UNC5D: variants seen among roughly 807,000 people sequenced by gnomAD.
UNC5D encodes the protein unc-5 netrin receptor D, also known as netrin receptor UNC5D.
In UNC5D, 39 loss-of-function variants were observed where a neutral mutation model predicts 105.4. The observed-to-expected ratio is 0.37, with a 90% confidence interval of 0.29 to 0.48. The LOEUF is 0.48. UNC5D is among the 20% of genes least tolerant of loss of function. The pLI, the probability that UNC5D is intolerant of heterozygous loss-of-function variation, is 0.98. For synonymous variants in UNC5D, 452 were observed against 450.4 expected (o/e 1.00, Z -0.04); for missense variants, 991 against 1,202.4 (o/e 0.82, Z 2.60).
At chr8:35,552,612 C>T (rs1816246959) in intron 2 of UNC5D, among the ~76,000 whole-genome samples, 1 of 152,136 alleles carries the variant, frequency 6.6e-6, no homozygotes, top group South Asian at 2.1e-4. Context: ...TTATAGCAAG[C>T]AATGGTAGAC....
chr8:35,532,369 T>C (rs1814453975), intron 1 of UNC5D, among the ~76,000 whole-genome samples: 2 of 145,674 alleles, frequency 1.4e-5, no homozygotes, highest in Admixed American at 1.4e-4. Context: ...ATGTTGAATA[T>C]TGGCCCCCAC....
chr8:35,652,718 T>C (rs547406994), intron 4 of UNC5D, among the ~76,000 whole-genome samples: 1 of 152,072 alleles, frequency 6.6e-6, no homozygotes, highest in East Asian at 1.9e-4. Flanking sequence ...ATATTAGATA[T>C]TAAGTGTTGA....
chr8:35,396,391 C>T (rs1804102639), intron 1 of UNC5D, among the ~76,000 whole-genome samples: 1 of 152,202 alleles, frequency 6.6e-6, no homozygotes, highest in African/African-American at 2.4e-5. Flanking sequence ...TAGAGTCACA[C>T]CGGGCGCACC....
At chr8:35,689,146 T>G (rs1826224216) in intron 7 of UNC5D, among the ~76,000 whole-genome samples, 2 of 152,204 alleles carry the variant, frequency 1.3e-5, no homozygotes, top group Non-Finnish European at 2.9e-5. Context: ...TACTTGCACT[T>G]GGGGAAAATC....
intron 14 of UNC5D, among the ~76,000 whole-genome samples, chr8:35,760,620 G>C (rs1229335064): frequency 1.3e-5 from 2 of 152,144 alleles, no homozygotes; most frequent in Non-Finnish European, 2.9e-5. Context: ...TGTACTTCAA[G>C]TGCTTAAGGA....
chr8:35,462,360 C>T (rs1010036762), intron 1 of UNC5D, among the ~76,000 whole-genome samples: 1 of 152,064 alleles, frequency 6.6e-6, no homozygotes, highest in Admixed American at 6.6e-5. Flanking sequence ...TAACACTCGT[C>T]AATCTCATAA....
At chr8:35,385,816 A>G (rs1344580060) in intron 1 of UNC5D, among the ~76,000 whole-genome samples, 13 of 152,156 alleles carry the variant, frequency 8.5e-5, no homozygotes, top group Non-Finnish European at 4.4e-5. Flanking sequence ...AGATTTATGC[A>G]GAAATTTAGT....
intron 8 of UNC5D, among the ~76,000 whole-genome samples, chr8:35,713,528 A>T (rs1399628801): frequency 6.6e-6 from 1 of 152,224 alleles, no homozygotes; most frequent in East Asian, 1.9e-4. Context: ...AGTTTAGGAT[A>T]AATATGCCCC....
intron 1 of UNC5D, among the ~76,000 whole-genome samples, chr8:35,358,412 C>T (rs929819835): frequency 6.6e-6 from 1 of 152,098 alleles, no homozygotes; most frequent in Non-Finnish European, 1.5e-5. Flanking sequence ...CGAAACACCG[C>T]ATGTTCTCAT....
chr8:35,431,496 A>G (rs1806634344), intron 1 of UNC5D, among the ~76,000 whole-genome samples: 1 of 152,176 alleles, frequency 6.6e-6, no homozygotes, highest in African/African-American at 2.4e-5. Context: ...GTAAACAAAA[A>G]AGAATGTTTC....
At chr8:35,727,868 A>G (rs1453651605) in intron 10 of UNC5D, 5 of 151,978 alleles carry the variant, frequency 3.3e-5, no homozygotes, top group Non-Finnish European at 7.4e-5. Flanking sequence ...GTAAGAATTC[A>G]TAAACTAGAC....
intron 1 of UNC5D, among the ~76,000 whole-genome samples, chr8:35,300,569 A>G (rs1432820785): frequency 6.6e-6 from 1 of 151,772 alleles, no homozygotes; most frequent in Non-Finnish European, 1.5e-5. Flanking sequence ...GCAGTAATAA[A>G]TGAACTTCAC....
At chr8:35,418,402 T>C (rs1236125488) in intron 1 of UNC5D, among the ~76,000 whole-genome samples, 2 of 152,150 alleles carry the variant, frequency 1.3e-5, no homozygotes, top group African/African-American at 4.8e-5. Context: ...ATACTTGACA[T>C]GTAAAGGCAT....
At chr8:35,572,380 A>T (rs1245377625) in intron 3 of UNC5D, among the ~76,000 whole-genome samples, 5 of 151,870 alleles carry the variant, frequency 3.3e-5, no homozygotes. Flanking sequence ...CAGCTGAGGG[A>T]TCCATTGACA....
intron 1 of UNC5D, among the ~76,000 whole-genome samples, chr8:35,257,029 C>A (rs547047850): frequency 5.2e-4 from 78 of 149,026 alleles, no homozygotes; most frequent in African/African-American, 1.8e-3. Flanking sequence ...TGGAGTACTG[C>A]GGCAACGTCT....
intron 1 of UNC5D, among the ~76,000 whole-genome samples, chr8:35,444,190 C>G (rs1012848413): frequency 6.6e-6 from 1 of 151,988 alleles, no homozygotes; most frequent in Non-Finnish European, 1.5e-5. Flanking sequence ...TTCCCATTCT[C>G]TATTCTGCCC....
At chr8:35,341,904 A>G (rs1241510381) in intron 1 of UNC5D, among the ~76,000 whole-genome samples, 4 of 152,102 alleles carry the variant, frequency 2.6e-5, no homozygotes, top group Non-Finnish European at 2.9e-5. Context: ...TATATTTGGG[A>G]AGAATAGGGC....
At chr8:35,385,929 T>C (rs1803366827) in intron 1 of UNC5D, among the ~76,000 whole-genome samples, 1 of 152,226 alleles carries the variant, frequency 6.6e-6, no homozygotes, top group Non-Finnish European at 1.5e-5. Flanking sequence ...CAAAATTCTA[T>C]TTTGTTGTAG....
At chr8:35,339,578 A>G (rs748465382) in intron 1 of UNC5D, among the ~76,000 whole-genome samples, 1 of 152,228 alleles carries the variant, frequency 6.6e-6, no homozygotes, top group Admixed American at 6.5e-5. Context: ...GGAAACACGG[A>G]TGTGTGTTGA....
Sources: allele counts gnomAD v4.1 joint callset (sites outside exome capture counted in the v4.1 genomes callset), GRCh38; gene constraint gnomAD v4.1.1; transcripts MANE v1.5; gene names NCBI Gene and HGNC (gene_info 2026-07-23, HGNC 2026-07-21).